Variants in HDAC8 observed in about 807,000 individuals in gnomAD.
The protein encoded by HDAC8 is histone deacetylase-like 1.
Under a neutral mutation model 32.2 loss-of-function variants are expected in HDAC8, and 1 was observed. That is an observed-to-expected ratio of 0.03 (90% CI 0.01 to 0.15). The LOEUF (loss-of-function observed/expected upper bound fraction) is 0.15. HDAC8 is among the 10% of genes least tolerant of loss of function. The pLI is 1.00. For synonymous variants in HDAC8, 108 were observed against 113.9 expected (o/e 0.95, Z 0.33); for missense variants, 117 against 300.0 (o/e 0.39, Z 4.51).
chrX:72,567,132 G>A (rs1432825008), intron 4 of HDAC8, among the ~76,000 whole-genome samples: 3 of 111,725 alleles, frequency 2.7e-5, no homozygotes, highest in Non-Finnish European at 5.6e-5. Context: ...ACGACAGGGC[G>A]AGACTCTGTC....
intron 4 of HDAC8, among the ~76,000 whole-genome samples, chrX:72,559,512 C>T (rs782407101): frequency 1.0e-3 from 115 of 111,387 alleles, no homozygotes; most frequent in African/African-American, 3.6e-3. Flanking sequence ...AAGTGAGGAG[C>T]GTCTCTGCCT....
rs901745214 is a variant in HDAC8 at position 72,572,717 on chromosome X, G to T, written c.45C>A (p.Val15=). The part of the protein sequence containing the change: ...EEPADSGQSL[V]PVYIYSPEYV... ...ACTCGGGACTATAGATATAAACCGG[G>T]ACCAGCGACTGCCCACTGTCCGCCG... The change falls in exon 1 of 11, where the codon GTC becomes GTA. Residue 15 remains valine, a synonymous_variant. Coordinates refer to ENST00000373573, the MANE Select transcript of HDAC8 (RefSeq NM_018486.3). 2 of 1,209,714 alleles carry T rather than the reference G, an allele frequency of 1.7e-6. No individual in the cohort carries two copies. Among genetic ancestry groups the T allele is most frequent in the Non-Finnish European group, 2.2e-6 (2 of 894,823 alleles).
intron 7 of HDAC8, among the ~76,000 whole-genome samples, chrX:72,468,933 A>G (rs782511912): frequency 1.2e-4 from 13 of 111,457 alleles, no homozygotes; most frequent in Non-Finnish European, 2.1e-4. Flanking sequence ...ACTCTCTAAC[A>G]TCAGAGTTCC....
At chrX:72,382,265 G>A (rs2045285400) in intron 9 of HDAC8, among the ~76,000 whole-genome samples, 1 of 112,341 alleles carries the variant, frequency 8.9e-6, no homozygotes, top group African/African-American at 3.2e-5. Flanking sequence ...AAGCTATGAG[G>A]CACTTGCCTC....
At chrX:72,471,749 C>A (rs931808506) in intron 7 of HDAC8, among the ~76,000 whole-genome samples, 3 of 111,916 alleles carry the variant, frequency 2.7e-5, no homozygotes, top group Non-Finnish European at 3.8e-5. Context: ...CTAAATATGT[C>A]TCTTATCAGA....
At chrX:72,480,904 G>C (rs1254946498) in intron 7 of HDAC8, among the ~76,000 whole-genome samples, 1 of 110,099 alleles carries the variant, frequency 9.1e-6, no homozygotes, top group South Asian at 4.0e-4. Context: ...GGCTTGTCAG[G>C]GGGTGGGGAG....
intron 9 of HDAC8, among the ~76,000 whole-genome samples, chrX:72,453,021 A>G (rs1479180648): frequency 1.8e-5 from 2 of 111,276 alleles, no homozygotes; most frequent in African/African-American, 3.3e-5. Flanking sequence ...GAAAAACACA[A>G]TATTTGAAAT....
intron 4 of HDAC8, among the ~76,000 whole-genome samples, chrX:72,513,059 T>C (rs1247153888): frequency 8.9e-6 from 1 of 111,851 alleles, no homozygotes; most frequent in Non-Finnish European, 1.9e-5. Context: ...GATGAACTCC[T>C]ACTCATCCTT....
intron 9 of HDAC8, among the ~76,000 whole-genome samples, chrX:72,409,448 C>T (rs1555969581): frequency 8.9e-6 from 1 of 111,902 alleles, no homozygotes; most frequent in Non-Finnish European, 1.9e-5. Flanking sequence ...GAATCTTGTC[C>T]CAATCTCTCC....
chrX:72,448,871 A>T (rs1017502038), intron 9 of HDAC8, among the ~76,000 whole-genome samples: 17 of 112,624 alleles, frequency 1.5e-4, no homozygotes, highest in African/African-American at 5.2e-4. Context: ...TCAAAACCAC[A>T]ATGAGGTACC....
At chrX:72,560,253 T>C (rs1556116361) in intron 4 of HDAC8, among the ~76,000 whole-genome samples, 1 of 111,174 alleles carries the variant, frequency 9.0e-6, no homozygotes, top group Admixed American at 9.4e-5. Context: ...TGTTAATCTA[T>C]AACCTTACCC....
intron 9 of HDAC8, among the ~76,000 whole-genome samples, chrX:72,450,018 G>A (rs187488187): frequency 8.9e-6 from 1 of 111,905 alleles, no homozygotes; most frequent in East Asian, 2.8e-4. Context: ...CTCAAATGGA[G>A]AAATGATTAA....
At chrX:72,354,079 G>A (rs1462792188) in intron 9 of HDAC8, among the ~76,000 whole-genome samples, 2 of 112,194 alleles carry the variant, frequency 1.8e-5, no homozygotes, top group African/African-American at 6.5e-5. Context: ...ACCAGGACTG[G>A]CTGCTATGTG....
intron 9 of HDAC8, among the ~76,000 whole-genome samples, chrX:72,422,745 A>C (rs1427353608): frequency 8.9e-6 from 1 of 111,794 alleles, no homozygotes; most frequent in Non-Finnish European, 1.9e-5. Flanking sequence ...GTTTTTGAGC[A>C]ATGCCTGGTA....
At chrX:72,337,241 T>G (rs1555942837) in intron 10 of HDAC8, among the ~76,000 whole-genome samples, 1 of 112,601 alleles carries the variant, frequency 8.9e-6, no homozygotes, top group Non-Finnish European at 1.9e-5. Context: ...TTGGATGATG[T>G]GACCATCCTA....
At chrX:72,456,487 G>A (rs1188991092) in intron 9 of HDAC8, among the ~76,000 whole-genome samples, 3 of 111,308 alleles carry the variant, frequency 2.7e-5, no homozygotes, top group Admixed American at 9.6e-5. Context: ...TTTAAAAGTT[G>A]ACTCTAATAA....
chrX:72,339,187 T>C (rs1241544348), intron 10 of HDAC8, among the ~76,000 whole-genome samples: 2 of 111,410 alleles, frequency 1.8e-5, no homozygotes, highest in Non-Finnish European at 3.8e-5. Context: ...TCTTAGATGG[T>C]ATGCACCCCC....
rs57801277 is a variant in HDAC8 at position 72,525,813 on chromosome X, C to CAAAAA, written c.438-30550_438-30546dup. ...TGGGCAACAGAGCGAGACTCTGTCT[C>CAAAAA]AAAAAAAAAAAAAAAAAAAAAAAAA... On this transcript the variant is annotated intron_variant, in intron 4 of 10. Transcript: ENST00000373573. 2.8e-3 allele frequency among the ~76,000 whole-genome samples: 61 copies of CAAAAA among 21,545 alleles called. 11 individuals are homozygous for CAAAAA. The highest frequency in any genetic ancestry group is 6.5e-3 in the African/African-American group (42 of 6,485). The allele number at this position is 21,545 out of a possible 115,157, so 18.7% of individuals were successfully genotyped here. A position where few individuals can be genotyped will look rare whatever the true frequency, so the allele number is the denominator to read the frequency against.
intron 9 of HDAC8, among the ~76,000 whole-genome samples, chrX:72,455,512 A>T (rs1259209502): frequency 1.8e-5 from 2 of 111,955 alleles, no homozygotes; most frequent in Non-Finnish European, 3.8e-5. Context: ...TTTTTGCTTG[A>T]AAGAATGATG....
Sources: gnomAD v4.1 joint callset for allele counts (sites outside exome capture counted in the v4.1 genomes callset) on GRCh38, gnomAD v4.1.1 for gene constraint, MANE v1.5 for transcripts, NCBI Gene and HGNC (gene_info 2026-07-23, HGNC 2026-07-21) for gene names.